The following POU2AF3 variants were observed in gnomAD, a reference collection of about 807,000 sequenced individuals.
POU2AF3 encodes POU class 2 homeobox associating factor 3.
At chr11:111,308,554 C>T in the POU2AF3 span, 1 of 1,110,930 alleles carries the variant, frequency 9.0e-7, no homozygotes, top group Non-Finnish European at 1.2e-6. Context: ...GTTTACATGT[C>T]ACTATTTCCA....
chr11:111,303,746 G>A, the POU2AF3 span, among the ~76,000 whole-genome samples: 169 of 152,272 alleles, frequency 1.1e-3, no homozygotes, highest in African/African-American at 4.0e-3. Context: ...TTTCAGCAGT[G>A]GCTGCCTGCA....
At chr11:111,299,301 C>T in the POU2AF3 span, 1 of 987,264 alleles carries the variant, frequency 1.0e-6, no homozygotes, top group African/African-American at 1.7e-5. Context: ...GGCCGCCGCA[C>T]CCAGCGCACT....
At chr11:111,302,514 T>A in the POU2AF3 span, among the ~76,000 whole-genome samples, 1 of 152,150 alleles carries the variant, frequency 6.6e-6, no homozygotes, top group Non-Finnish European at 1.5e-5. Context: ...TACAGATGGG[T>A]GTGGCCACTG....
chr11:111,306,670 G>A, the POU2AF3 span: 3 of 1,383,212 alleles, frequency 2.2e-6, no homozygotes, highest in Non-Finnish European at 3.0e-6. Flanking sequence ...CTAACTATGG[G>A]GTAATAGTGC....
chr11:111,299,217 C>G, the POU2AF3 span: 2 of 982,762 alleles, frequency 2.0e-6, no homozygotes, highest in Non-Finnish European at 2.4e-6. Context: ...GCTGCGGTCC[C>G]CGCAGTGACC....
chr11:111,301,274 G>A, the POU2AF3 span, among the ~76,000 whole-genome samples: 7 of 152,160 alleles, frequency 4.6e-5, no homozygotes, highest in South Asian at 2.1e-4. Flanking sequence ...ACCTTCCTAC[G>A]GTAAGTACTG....
At chr11:111,306,094 A>T in the POU2AF3 span, among the ~76,000 whole-genome samples, 1 of 152,192 alleles carries the variant, frequency 6.6e-6, no homozygotes, top group Non-Finnish European at 1.5e-5. Context: ...AGCCCAAGAA[A>T]GGGGAAGTTT....
the POU2AF3 span, chr11:111,298,910 G>A: frequency 9.1e-7 from 1 of 1,093,654 alleles, no homozygotes; most frequent in Non-Finnish European, 1.1e-6. Context: ...TGCTACGGGG[G>A]GAGCTAGAGG....
chr11:111,302,000 G>T, the POU2AF3 span, among the ~76,000 whole-genome samples: 1 of 152,136 alleles, frequency 6.6e-6, no homozygotes, highest in African/African-American at 2.4e-5. Flanking sequence ...AGAATTTCAG[G>T]TAACGCATTA....
chr11:111,298,942 G>T, the POU2AF3 span: 3 of 1,040,212 alleles, frequency 2.9e-6, no homozygotes, highest in South Asian at 9.2e-5. Context: ...CCTGGGACGG[G>T]GGCAGAGCGC....
At chr11:111,307,877 A>G in the POU2AF3 span, among the ~76,000 whole-genome samples, 1 of 152,256 alleles carries the variant, frequency 6.6e-6, no homozygotes, top group African/African-American at 2.4e-5. Context: ...AGGTAACTAT[A>G]GATTGTGGTG....
chr11:111,298,837 C>A, the POU2AF3 span: 9 of 1,070,084 alleles, frequency 8.4e-6, no homozygotes, highest in Non-Finnish European at 1.1e-5. Flanking sequence ...CCCCCGCCCG[C>A]CCTCCCACGT....
At chr11:111,302,959 G>A in the POU2AF3 span, among the ~76,000 whole-genome samples, 2 of 152,202 alleles carry the variant, frequency 1.3e-5, no homozygotes, top group Non-Finnish European at 2.9e-5. Context: ...TTCATTTGTT[G>A]AAGGATGCCT....
the POU2AF3 span, chr11:111,306,494 C>G: frequency 6.5e-7 from 1 of 1,532,614 alleles, no homozygotes; most frequent in Admixed American, 2.1e-5. Context: ...CAAGCTGCCT[C>G]GACCAGATCT....
chr11:111,307,140 T>C, the POU2AF3 span, among the ~76,000 whole-genome samples: 2 of 152,262 alleles, frequency 1.3e-5, no homozygotes, highest in Middle Eastern at 3.4e-3. Context: ...AATAACTCAT[T>C]TGGGTCTGAG....
At chr11:111,304,674 G>A in the POU2AF3 span, among the ~76,000 whole-genome samples, 5 of 151,802 alleles carry the variant, frequency 3.3e-5, no homozygotes, top group African/African-American at 9.7e-5. Context: ...TACACCTACC[G>A]CAATTCTATG....
At chr11:111,299,241 G>A in the POU2AF3 span, 30 of 985,448 alleles carry the variant, frequency 3.0e-5, no homozygotes, top group Non-Finnish European at 3.6e-5. Context: ...CGAGGCGCTG[G>A]CATCCTGGCA....
At chr11:111,299,316 G>C in the POU2AF3 span, 1 of 987,622 alleles carries the variant, frequency 1.0e-6, no homozygotes, top group Non-Finnish European at 1.2e-6. Context: ...CGCACTTCCC[G>C]GCGCGATTCC....
chr11:111,299,443 T>C, the POU2AF3 span: 1 of 1,047,308 alleles, frequency 9.5e-7, no homozygotes. Flanking sequence ...CCCAACCTAC[T>C]CACTGCGGCT....
Sources: allele counts gnomAD v4.1 joint callset (sites outside exome capture counted in the v4.1 genomes callset), GRCh38; gene constraint gnomAD v4.1.1; transcripts MANE v1.5; gene names NCBI Gene and HGNC (gene_info 2026-07-23, HGNC 2026-07-21).